The following MALRD1 variants were observed in gnomAD, a reference collection of about 807,000 sequenced individuals.
MALRD1 encodes the protein MAM and LDL-receptor class A domain-containing protein 1.
MALRD1 carries 247 observed loss-of-function variants against 242.1 expected under a neutral mutation model. The ratio of observed to expected loss-of-function variants is 1.02; its 90% CI spans 0.92 to 1.13. The LOEUF is 1.13. MALRD1 is among the 50% of genes most tolerant of loss of function. The pLI is 0.00. For missense variants in MALRD1, 2,989 were observed against 2,533.1 expected (o/e 1.18, Z -3.86); for synonymous variants, 995 against 866.6 (o/e 1.15, Z -2.60).
intron 30 of MALRD1, among the ~76,000 whole-genome samples, chr10:19,494,721 TAAAG>T (rs1337117607): frequency 6.6e-6 from 1 of 150,846 alleles, no homozygotes; most frequent in African/African-American, 2.4e-5. Context: ...TAGACAAAAA[TAAAG>T]AAAAAAGAAT....
chr10:19,574,620 A>T (rs1308665360), intron 33 of MALRD1, among the ~76,000 whole-genome samples: 1 of 152,204 alleles, frequency 6.6e-6, no homozygotes, highest in Non-Finnish European at 1.5e-5. Flanking sequence ...GCTTGGTCTA[A>T]ACTATGGCTG....
chr10:19,264,652 A>G (rs538218180), intron 19 of MALRD1, among the ~76,000 whole-genome samples: 88 of 151,846 alleles, frequency 5.8e-4, no homozygotes, highest in African/African-American at 1.7e-3. Context: ...CCGGGGTTTC[A>G]CTGTGTTAGC....
intron 29 of MALRD1, among the ~76,000 whole-genome samples, chr10:19,456,459 T>C (rs1835652477): frequency 6.6e-6 from 1 of 152,180 alleles, no homozygotes; most frequent in South Asian, 2.1e-4. Flanking sequence ...CAATGCAGCA[T>C]CACTCTGGAT....
At chr10:19,413,368 G>A (rs950592838) in intron 28 of MALRD1, among the ~76,000 whole-genome samples, 11 of 151,818 alleles carry the variant, frequency 7.2e-5, no homozygotes, top group Admixed American at 5.3e-4. Context: ...CTCAGAAAAA[G>A]CGCCCTAACC....
chr10:19,284,506 G>GT (rs2131894565), intron 21 of MALRD1, among the ~76,000 whole-genome samples: 1 of 148,508 alleles, frequency 6.7e-6, no homozygotes, highest in African/African-American at 2.5e-5. Context: ...GCGGTGTTTG[G>GT]TTTTTTGTTC....
chr10:19,248,192 CATA>C (rs1373928505), intron 18 of MALRD1, among the ~76,000 whole-genome samples: 1 of 151,888 alleles, frequency 6.6e-6, no homozygotes, highest in Non-Finnish European at 1.5e-5. Context: ...CAAAGTACTA[CATA>C]ATAACTATGG....
chr10:19,336,326 C>A lies in MALRD1; in HGVS notation c.3901+4744C>A, dbSNP rs146318978. Among the ~76,000 whole-genome samples the A allele has an allele frequency of 9.6e-4, 146 of 152,172 alleles. 1 individual carries two copies. The highest frequency in any genetic ancestry group is 3.4e-3 in the African/African-American group (143 of 41,520). ...GCTTATTTACGGATGAGACACAATT[C>A]AGAGTATCTCAAGCATTCTCCAAAT... On this transcript the variant is annotated intron_variant, in intron 24 of 39. Coordinates refer to ENST00000454679, the MANE Select transcript of MALRD1 (RefSeq NM_001142308.3).
chr10:19,671,476 A>G (rs1414208653), intron 36 of MALRD1, among the ~76,000 whole-genome samples: 1 of 152,004 alleles, frequency 6.6e-6, no homozygotes, highest in East Asian at 1.9e-4. Context: ...AAATTAGTCA[A>G]GTGTGGTGGC....
At chr10:19,124,935 C>CTT (rs1173453764) in intron 7 of MALRD1, among the ~76,000 whole-genome samples, 24,783 of 52,556 alleles carry the variant, frequency 0.47, 11,110 homozygotes, top group Non-Finnish European at 0.54. Flanking sequence ...TATTAAAAGG[C>CTT]TTTTTTTTTT....
chr10:19,452,277 A>T (rs1835374482), intron 29 of MALRD1, among the ~76,000 whole-genome samples: 1 of 152,184 alleles, frequency 6.6e-6, no homozygotes, highest in Admixed American at 6.5e-5. Flanking sequence ...TGCTAGTCTC[A>T]TGTAGAAGTC....
chr10:19,083,012 T>C (rs1466078017), intron 2 of MALRD1, among the ~76,000 whole-genome samples: 3 of 152,020 alleles, frequency 2.0e-5, no homozygotes, highest in African/African-American at 7.2e-5. Flanking sequence ...TGTTCTCACA[T>C]GGTGGAAGGG....
At chr10:19,214,065 C>T (rs909006006) in intron 18 of MALRD1, among the ~76,000 whole-genome samples, 1 of 152,180 alleles carries the variant, frequency 6.6e-6, no homozygotes, top group African/African-American at 2.4e-5. Context: ...AGGTACTTTT[C>T]TCTATGCCTG....
At chr10:19,080,352 A>G (rs543666984) in intron 2 of MALRD1, among the ~76,000 whole-genome samples, 56 of 152,182 alleles carry the variant, frequency 3.7e-4, no homozygotes, top group African/African-American at 1.3e-3. Context: ...GCATCATGCT[A>G]CCCAACTTCA....
chr10:19,330,675 T>C (rs1330838981), intron 23 of MALRD1, among the ~76,000 whole-genome samples: 1 of 152,196 alleles, frequency 6.6e-6, no homozygotes, highest in African/African-American at 2.4e-5. Context: ...TGTTGATAAA[T>C]TGAAGATGGA....
At chr10:19,138,877 A>G (rs1833446551) in intron 10 of MALRD1, among the ~76,000 whole-genome samples, 2 of 152,144 alleles carry the variant, frequency 1.3e-5, no homozygotes, top group Non-Finnish European at 2.9e-5. Context: ...CATTTTTCCA[A>G]TTCAGTAGAT....
chr10:19,412,883 G>A (rs1225707065), intron 28 of MALRD1, among the ~76,000 whole-genome samples: 1 of 152,108 alleles, frequency 6.6e-6, no homozygotes, highest in Non-Finnish European at 1.5e-5. Flanking sequence ...GTTAAGTGTA[G>A]ACATTTCATG....
intron 36 of MALRD1, among the ~76,000 whole-genome samples, chr10:19,639,319 G>C (rs1015797454): frequency 3.9e-5 from 6 of 152,034 alleles, no homozygotes; most frequent in Non-Finnish European, 7.4e-5. Context: ...CTTCTCTAAG[G>C]GATCTTGATT....
At chr10:19,492,772 A>T (rs11010164) in intron 30 of MALRD1, among the ~76,000 whole-genome samples, 6,936 of 151,980 alleles carry the variant, frequency 0.046, 215 homozygotes, top group Middle Eastern at 0.082. Context: ...ACTTTCAATG[A>T]GAAAACAAAG....
chr10:19,575,346 C>G (rs1236336392), intron 33 of MALRD1, among the ~76,000 whole-genome samples: 2 of 152,090 alleles, frequency 1.3e-5, no homozygotes, highest in East Asian at 3.9e-4. Flanking sequence ...TGTGACATCA[C>G]TGAAGGTGAT....
Sources: allele counts gnomAD v4.1 joint callset (sites outside exome capture counted in the v4.1 genomes callset), GRCh38; gene constraint gnomAD v4.1.1; transcripts MANE v1.5; gene names NCBI Gene and HGNC (gene_info 2026-07-23, HGNC 2026-07-21).